The following PXDNL variants were observed in gnomAD, a reference collection of about 807,000 sequenced individuals.
PXDNL encodes the protein peroxidasin like, also known as probable oxidoreductase PXDNL.
Under a neutral mutation model 150.8 loss-of-function variants are expected in PXDNL, and 145 were observed. The observed-to-expected ratio is 0.96, with a 90% CI of 0.84 to 1.10. The LOEUF (loss-of-function observed/expected upper bound fraction) is 1.10, where lower values mean the gene tolerates loss of function less well. Among genes scored for constraint, PXDNL ranks in the 50% least tolerant of loss-of-function variants. PXDNL has a pLI of 0.00. For missense variants in PXDNL, 2,087 were observed against 1,873.9 expected, an observed-to-expected ratio of 1.11 and a Z score of -2.10; for synonymous variants, 757 against 725.7, an observed-to-expected ratio of 1.04 and a Z score of -0.69.
chr8:51,560,108 C>A (rs150462743), intron 3 of PXDNL, among the ~76,000 whole-genome samples: 1 of 151,624 alleles, frequency 6.6e-6, no homozygotes, highest in Non-Finnish European at 1.5e-5. Context: ...CTTAACCAAG[C>A]GGGTTAAAGA....
At chr8:51,592,791 C>A (rs937004800) in intron 2 of PXDNL, 93 bp from the exon 3 acceptor site, 3 of 792,712 alleles carry the variant, frequency 3.8e-6, no homozygotes, top group South Asian at 5.4e-5. Context: ...CTTTACACAA[C>A]AGAAAAATAT....
At chr8:51,594,665 G>C (rs1303121365) in intron 2 of PXDNL, among the ~76,000 whole-genome samples, 1 of 152,074 alleles carries the variant, frequency 6.6e-6, no homozygotes, top group Non-Finnish European at 1.5e-5. Flanking sequence ...TCATTAAAAT[G>C]GTTCACAGTT....
chr8:51,706,175 G>A (rs1021705328), intron 1 of PXDNL, among the ~76,000 whole-genome samples: 7 of 152,274 alleles, frequency 4.6e-5, no homozygotes, highest in Non-Finnish European at 1.0e-4. Flanking sequence ...GGTGGGCTTG[G>A]TGGAGGGTGT....
intron 4 of PXDNL, among the ~76,000 whole-genome samples, chr8:51,522,872 A>C (rs1811691190): frequency 6.6e-6 from 1 of 150,496 alleles, no homozygotes. Context: ...AAAAACAAAC[A>C]AACAAAAAAA....
chr8:51,752,601 C>T (rs1337409569), intron 1 of PXDNL, among the ~76,000 whole-genome samples: 4 of 152,174 alleles, frequency 2.6e-5, no homozygotes, highest in African/African-American at 9.6e-5. Flanking sequence ...CTGTCACCTA[C>T]AATCTCCTGA....
intron 5 of PXDNL, among the ~76,000 whole-genome samples, chr8:51,484,074 T>C (rs1214003270): frequency 6.6e-6 from 1 of 152,166 alleles, no homozygotes; most frequent in African/African-American, 2.4e-5. Flanking sequence ...ATATATCAAA[T>C]CAGCATGTTG....
At chr8:51,497,962 C>T (rs560869445) in intron 5 of PXDNL, among the ~76,000 whole-genome samples, 11 of 152,224 alleles carry the variant, frequency 7.2e-5, no homozygotes, top group Non-Finnish European at 1.5e-4. Flanking sequence ...AATCATGCTG[C>T]TATAAAGACA....
intron 1 of PXDNL, among the ~76,000 whole-genome samples, chr8:51,687,955 T>C (rs1362695548): frequency 6.6e-6 from 1 of 152,220 alleles, no homozygotes; most frequent in East Asian, 1.9e-4. Context: ...TGTTGCCATT[T>C]TTAAAATAGC....
chr8:51,454,882 A>G (rs1809891922), intron 9 of PXDNL, among the ~76,000 whole-genome samples: 1 of 152,144 alleles, frequency 6.6e-6, no homozygotes, highest in African/African-American at 2.4e-5. Flanking sequence ...TAAAACCACA[A>G]CATGCCTCGG....
At chr8:51,502,569 G>A (rs569258812) in intron 4 of PXDNL, among the ~76,000 whole-genome samples, 2 of 152,082 alleles carry the variant, frequency 1.3e-5, no homozygotes, top group African/African-American at 4.8e-5. Flanking sequence ...CAGGTCACAG[G>A]AAAGGAGTCA....
intron 1 of PXDNL, among the ~76,000 whole-genome samples, chr8:51,681,868 A>G (rs1815758292): frequency 6.6e-6 from 1 of 152,168 alleles, no homozygotes; most frequent in Non-Finnish European, 1.5e-5. Flanking sequence ...GCATGAGTAC[A>G]CTCAACATTC....
intron 4 of PXDNL, among the ~76,000 whole-genome samples, chr8:51,546,410 A>G (rs746806088): frequency 2.0e-5 from 3 of 152,188 alleles, no homozygotes; most frequent in Non-Finnish European, 4.4e-5. Flanking sequence ...GAGCTGAGTG[A>G]AATATAAAAG....
intron 8 of PXDNL, among the ~76,000 whole-genome samples, chr8:51,464,231 G>A (rs1036465323): frequency 2.0e-5 from 3 of 152,078 alleles, no homozygotes; most frequent in Non-Finnish European, 4.4e-5. Flanking sequence ...GGGTGTGCTG[G>A]CATGTGCCTG....
At chr8:51,753,172 T>G (rs1179868214) in intron 1 of PXDNL, among the ~76,000 whole-genome samples, 2 of 152,218 alleles carry the variant, frequency 1.3e-5, no homozygotes, top group Non-Finnish European at 2.9e-5. Flanking sequence ...GGAATATAGT[T>G]TCCGGAGAAA....
At chr8:51,632,584 A>C (rs1173604308) in intron 2 of PXDNL, among the ~76,000 whole-genome samples, 1 of 152,192 alleles carries the variant, frequency 6.6e-6, no homozygotes, top group Non-Finnish European at 1.5e-5. Flanking sequence ...ACAGAATGAG[A>C]CCCTATCTCA....
At chr8:51,499,793 G>T (rs749435849) in intron 4 of PXDNL, 23 bp from the exon 5 acceptor site, 3 of 1,515,304 alleles carry the variant, frequency 2.0e-6, no homozygotes, top group South Asian at 1.1e-5. Flanking sequence ...AAATCAAGTT[G>T]GTTACTCCTT....
At chr8:51,726,766 A>G (rs1379421639) in intron 1 of PXDNL, among the ~76,000 whole-genome samples, 1 of 8,938 alleles carries the variant, frequency 1.1e-4, no homozygotes, top group Non-Finnish European at 5.5e-3. Flanking sequence ...TTGAGCCACT[A>G]AAAGCTTATT....
chr8:51,681,770 A>C (rs992394182), intron 1 of PXDNL, among the ~76,000 whole-genome samples: 2 of 152,178 alleles, frequency 1.3e-5, no homozygotes, highest in Non-Finnish European at 1.5e-5. Flanking sequence ...TTTTTTCCAC[A>C]TATGTGCGAT....
chr8:51,462,838 A>G (rs962330336), intron 8 of PXDNL, among the ~76,000 whole-genome samples: 1 of 152,154 alleles, frequency 6.6e-6, no homozygotes, highest in African/African-American at 2.4e-5. Flanking sequence ...CCCAAGACAC[A>G]CAGTCATCAG....
Sources: gnomAD v4.1 joint callset for allele counts (sites outside exome capture counted in the v4.1 genomes callset) on GRCh38, gnomAD v4.1.1 for gene constraint, MANE v1.5 for transcripts, NCBI Gene and HGNC (gene_info 2026-07-23, HGNC 2026-07-21) for gene names.